Variants in TRPC4 observed in about 807,000 individuals in gnomAD.
TRPC4 encodes short transient receptor potential channel 4.
A neutral mutation model predicts 99.4 loss-of-function variants in TRPC4; 49 were observed. The observed-to-expected ratio is 0.49, with a 90% confidence interval of 0.39 to 0.63. The LOEUF is 0.63. Among genes scored for constraint, TRPC4 ranks in the 20% least tolerant of loss-of-function variants. The pLI is 0.00. For missense variants in TRPC4, 898 were observed against 1,152.9 expected (o/e 0.78, Z 3.20); for synonymous variants, 454 against 425.9 (o/e 1.07, Z -0.81).
At chr13:37,705,956 T>A (rs1313738282) in intron 3 of TRPC4, among the ~76,000 whole-genome samples, 1 of 105,680 alleles carries the variant, frequency 9.5e-6, no homozygotes, top group Non-Finnish European at 2.0e-5. Context: ...CATGATGAGT[T>A]CCTATTGGTC....
At chr13:37,777,224 G>A (rs548551979) in intron 2 of TRPC4, among the ~76,000 whole-genome samples, 6 of 151,882 alleles carry the variant, frequency 4.0e-5, no homozygotes, top group Non-Finnish European at 7.4e-5. Context: ...CCTGAGACTG[G>A]GTAATTTATA....
intron 2 of TRPC4, among the ~76,000 whole-genome samples, chr13:37,768,528 ACT>A (rs1202558821): frequency 6.6e-6 from 1 of 151,368 alleles, no homozygotes; most frequent in Non-Finnish European, 1.5e-5. Flanking sequence ...AAGAAAAAGG[ACT>A]TTTTTCTCTA....
chr13:37,784,111 T>C (rs1439182776), intron 1 of TRPC4, among the ~76,000 whole-genome samples: 1 of 152,138 alleles, frequency 6.6e-6, no homozygotes, highest in Non-Finnish European at 1.5e-5. Flanking sequence ...TTATATTTTT[T>C]TCTCTCTGTG....
rs1957640259 is a variant in TRPC4, at chr13:37,810,294, T to A, written c.-27-26934A>T. Among the ~76,000 whole-genome samples, 8 of 152,178 alleles carry A rather than the reference T, an allele frequency of 5.3e-5. No individual in the cohort carries two copies. In the South Asian group the frequency reaches 1.7e-3, roughly 32 times the overall value. On this transcript the variant is annotated intron_variant, in intron 1 of 10. Transcript: ENST00000379705. ...TATTATTCCCATTACACAGCCAAAA[T>A]TATATTGAAGTTGTGTATTTTAATA...
At chr13:37,841,140 G>A (rs987313222) in intron 1 of TRPC4, among the ~76,000 whole-genome samples, 3 of 152,000 alleles carry the variant, frequency 2.0e-5, no homozygotes, top group African/African-American at 7.2e-5. Flanking sequence ...GATTTACAGA[G>A]GATCACAATG....
Position 37,663,410 on chromosome 13 carries a change from A to G in TRPC4, c.1688+6T>C, listed in dbSNP as rs1389071527. On this transcript the variant is annotated splice_donor_region_variant and intron_variant, in intron 6 of 10. Transcript: ENST00000379705. ...CATTACCAGTAGAAATGTCTATTAG[A>G]CTTACGTTGAAAATGCATTATTCTG... 1 of 1,607,900 alleles carries G rather than the reference A, an allele frequency of 6.2e-7. No homozygotes were observed. Among genetic ancestry groups the G allele is most frequent in the East Asian group, 2.2e-5 (1 of 44,830 alleles).
intron 6 of TRPC4, among the ~76,000 whole-genome samples, chr13:37,657,711 T>C (rs1410843345): frequency 1.3e-5 from 2 of 152,198 alleles, no homozygotes; most frequent in Non-Finnish European, 2.9e-5. Context: ...ACTTATTATT[T>C]TGAATAGTAC....
At chr13:37,836,183 TG>T (rs1193832654) in intron 1 of TRPC4, among the ~76,000 whole-genome samples, 1 of 152,202 alleles carries the variant, frequency 6.6e-6, no homozygotes, top group Non-Finnish European at 1.5e-5. Flanking sequence ...CATGTGGAAC[TG>T]TAAGTCCATT....
chr13:37,828,428 A>AT (rs1958314805), intron 1 of TRPC4, among the ~76,000 whole-genome samples: 1 of 152,114 alleles, frequency 6.6e-6, no homozygotes, highest in Non-Finnish European at 1.5e-5. Context: ...CAGTTTGGAG[A>AT]TTTTTCAAAG....
intron 3 of TRPC4, among the ~76,000 whole-genome samples, chr13:37,717,262 A>C (rs1041797443): frequency 6.6e-6 from 1 of 152,188 alleles, no homozygotes; most frequent in Non-Finnish European, 1.5e-5. Flanking sequence ...TGACGATATC[A>C]GAAAATAGTT....
At chr13:37,849,413 C>T (rs765658459) in intron 1 of TRPC4, among the ~76,000 whole-genome samples, 5 of 152,106 alleles carry the variant, frequency 3.3e-5, no homozygotes, top group African/African-American at 7.2e-5. Context: ...CAATAAACTC[C>T]TTCCCATGGT....
intron 7 of TRPC4, among the ~76,000 whole-genome samples, chr13:37,652,826 A>G (rs1952096638): frequency 6.6e-6 from 1 of 152,208 alleles, no homozygotes; most frequent in African/African-American, 2.4e-5. Context: ...GTCAGAAATT[A>G]TGTTATCTTA....
intron 4 of TRPC4, among the ~76,000 whole-genome samples, chr13:37,678,809 T>C (rs980158773): frequency 1.3e-5 from 2 of 152,116 alleles, no homozygotes; most frequent in Non-Finnish European, 2.9e-5. Context: ...ATAGCCCTTA[T>C]AAATATGCAC....
Position 37,752,075 on chromosome 13 carries a change from C to CTATATATATGTATATATATATATATA in TRPC4, c.379-5621_379-5620insTATATATATATATATACATATATATA, listed in dbSNP as rs1555266914. 5.8e-4 allele frequency among the ~76,000 whole-genome samples: 43 copies of CTATATATATGTATATATATATATATA among 73,946 alleles called. 6 individuals are homozygous for CTATATATATGTATATATATATATATA. The highest frequency in any genetic ancestry group is 1.8e-3 in the Admixed American group (13 of 7,170). 48.5% of individuals were successfully genotyped at this position (73,946 alleles called of 152,430 possible). On this transcript the variant is annotated intron_variant, in intron 2 of 10. Transcript: ENST00000379705. ...TACCAAAACCTGATAAAGCAGAAAACTATATATATATATATATATATGACT... is the reference window on the plus strand; with the variant it reads ...TACCAAAACCTGATAAAGCAGAAAACTATATATATGTATATATATATATATATATATATATATATATATATATGACT...
chr13:37,674,432 A>G (rs765582194), intron 4 of TRPC4, 65 bp from the exon 5 acceptor site: 8 of 1,521,410 alleles, frequency 5.3e-6, no homozygotes, highest in Non-Finnish European at 7.1e-6. Flanking sequence ...AGCAATATAC[A>G]ATTTAACAAT....
At chr13:37,649,391 A>G (rs1368366047) in intron 8 of TRPC4, among the ~76,000 whole-genome samples, 1 of 152,046 alleles carries the variant, frequency 6.6e-6, no homozygotes, top group Non-Finnish European at 1.5e-5. Flanking sequence ...CACTCCTCAA[A>G]TTCTAGTTCA....
intron 1 of TRPC4, among the ~76,000 whole-genome samples, chr13:37,853,566 C>A (rs1366830320): frequency 1.3e-5 from 2 of 152,072 alleles, no homozygotes; most frequent in African/African-American, 4.8e-5. Context: ...ATGACTTCAA[C>A]AAATGAAATA....
At chr13:37,806,809 A>G (rs183883886) in intron 1 of TRPC4, among the ~76,000 whole-genome samples, 6 of 152,180 alleles carry the variant, frequency 3.9e-5, no homozygotes, top group Admixed American at 6.6e-5. Flanking sequence ...AAGAAAGATC[A>G]CATTCTACTA....
intron 6 of TRPC4, among the ~76,000 whole-genome samples, chr13:37,659,727 C>G (rs1380342490): frequency 6.6e-6 from 1 of 151,972 alleles, no homozygotes; most frequent in East Asian, 1.9e-4. Context: ...CAGTGGAGAG[C>G]AAGGGGAAGA....
Sources: gnomAD v4.1 joint callset for allele counts (sites outside exome capture counted in the v4.1 genomes callset) on GRCh38, gnomAD v4.1.1 for gene constraint, MANE v1.5 for transcripts, NCBI Gene and HGNC (gene_info 2026-07-23, HGNC 2026-07-21) for gene names.